TRPM3: variants seen among roughly 807,000 people sequenced by gnomAD.
TRPM3 encodes long transient receptor potential channel 3.
Under a neutral mutation model 181.2 loss-of-function variants are expected in TRPM3, and 77 were observed. The observed-to-expected ratio is 0.42, with a 90% CI of 0.35 to 0.51. The LOEUF (loss-of-function observed/expected upper bound fraction) is 0.51, where lower values mean the gene tolerates loss of function less well. Among genes scored for constraint, TRPM3 ranks in the 20% least tolerant of loss-of-function variants. TRPM3 has a pLI of 0.01. For synonymous variants in TRPM3, 745 were observed against 796.4 expected (o/e 0.94, Z 1.09); for missense variants, 1,759 against 2,196.7 (o/e 0.80, Z 3.98).
At chr9:71,229,602 G>T (rs2080916027) in intron 1 of TRPM3, among the ~76,000 whole-genome samples, 1 of 151,844 alleles carries the variant, frequency 6.6e-6, no homozygotes, top group Admixed American at 6.6e-5. Flanking sequence ...AGGAACTCAA[G>T]CAACCCTGTT....
intron 25 of TRPM3, among the ~76,000 whole-genome samples, chr9:70,539,189 T>G (rs1588039702): frequency 6.6e-6 from 1 of 151,844 alleles, no homozygotes; most frequent in Non-Finnish European, 1.5e-5. Context: ...TCTGTGGGGG[T>G]GGTGGTGAGG....
intron 1 of TRPM3, among the ~76,000 whole-genome samples, chr9:71,403,968 C>A (rs1297663315): frequency 4.6e-5 from 7 of 152,210 alleles, no homozygotes; most frequent in African/African-American, 1.7e-4. Context: ...TCCTAAAACA[C>A]AGAATATATT....
At chr9:71,083,382 G>T (rs1313713448) in intron 1 of TRPM3, among the ~76,000 whole-genome samples, 2 of 151,958 alleles carry the variant, frequency 1.3e-5, no homozygotes, top group Admixed American at 1.3e-4. Context: ...AGGTTACAAG[G>T]CTGGTAAATG....
intron 1 of TRPM3, among the ~76,000 whole-genome samples, chr9:71,413,521 AG>A (rs2093593048): frequency 6.6e-6 from 1 of 152,070 alleles, no homozygotes; most frequent in South Asian, 2.1e-4. Context: ...ATAATACTGT[AG>A]TTTCTTTATA....
At chr9:71,190,691 T>C (rs1482909390) in intron 1 of TRPM3, among the ~76,000 whole-genome samples, 3 of 151,896 alleles carry the variant, frequency 2.0e-5, no homozygotes, top group African/African-American at 7.2e-5. Context: ...CTCCATATCT[T>C]CCTTAAAACA....
At chr9:71,050,659 G>C (rs2059965932) in intron 1 of TRPM3, among the ~76,000 whole-genome samples, 1 of 152,162 alleles carries the variant, frequency 6.6e-6, no homozygotes, top group East Asian at 1.9e-4. Context: ...ACACACTTCT[G>C]TTTATATATC....
intron 8 of TRPM3, among the ~76,000 whole-genome samples, chr9:70,751,068 T>C (rs1166862643): frequency 6.6e-6 from 1 of 151,882 alleles, no homozygotes. Context: ...AAATTTAAAA[T>C]GTATTCAGGG....
chr9:71,308,514 T>G (rs558080262), intron 1 of TRPM3, among the ~76,000 whole-genome samples: 2 of 152,294 alleles, frequency 1.3e-5, no homozygotes, highest in East Asian at 3.9e-4. Context: ...ACCATTTCAT[T>G]AAAATACCTA....
chr9:71,313,076 T>C (rs1344578148), intron 1 of TRPM3, among the ~76,000 whole-genome samples: 2 of 152,270 alleles, frequency 1.3e-5, no homozygotes, highest in African/African-American at 4.8e-5. Flanking sequence ...AATTCACCAA[T>C]TAACAAATGT....
intron 1 of TRPM3, among the ~76,000 whole-genome samples, chr9:71,010,683 G>A (rs2097726972): frequency 6.6e-6 from 1 of 152,132 alleles, no homozygotes; most frequent in African/African-American, 2.4e-5. Context: ...TGGTGGGGAT[G>A]TAAATTAGTA....
chr9:71,354,934 C>T (rs1017552276), intron 1 of TRPM3, among the ~76,000 whole-genome samples: 4 of 152,248 alleles, frequency 2.6e-5, no homozygotes, highest in Non-Finnish European at 2.9e-5. Flanking sequence ...TAGTATCTCT[C>T]TGTTATTCAA....
At chr9:70,836,632 T>C (rs2094341583) in intron 5 of TRPM3, among the ~76,000 whole-genome samples, 1 of 152,210 alleles carries the variant, frequency 6.6e-6, no homozygotes, top group Non-Finnish European at 1.5e-5. Context: ...TGACTCCCTC[T>C]GACTTTGCTT....
chr9:71,144,842 A>C (rs1304840921), intron 1 of TRPM3, among the ~76,000 whole-genome samples: 1 of 152,184 alleles, frequency 6.6e-6, no homozygotes. Context: ...AAAAAAATGA[A>C]CAGCATTGGT....
At chr9:70,545,379 A>C (rs146422574) in intron 25 of TRPM3, among the ~76,000 whole-genome samples, 2 of 152,292 alleles carry the variant, frequency 1.3e-5, no homozygotes, top group East Asian at 3.9e-4. Context: ...TTTAAAGTGC[A>C]TACTGAGAAA....
intron 1 of TRPM3, among the ~76,000 whole-genome samples, chr9:70,938,665 C>A (rs1009433813): frequency 6.6e-6 from 1 of 152,044 alleles, no homozygotes; most frequent in Non-Finnish European, 1.5e-5. Flanking sequence ...ATTAGACATT[C>A]ATTTCTTTTG....
chr9:70,679,356 T>C (rs993650866), intron 9 of TRPM3, among the ~76,000 whole-genome samples: 4 of 152,224 alleles, frequency 2.6e-5, no homozygotes, highest in African/African-American at 9.6e-5. Flanking sequence ...TATTCTATAA[T>C]GCAATGAATA....
chr9:70,577,727 G>T (rs142037138), intron 22 of TRPM3, among the ~76,000 whole-genome samples: 11 of 152,300 alleles, frequency 7.2e-5, no homozygotes, highest in African/African-American at 1.9e-4. Flanking sequence ...TCCTGATAGG[G>T]TTGATAATCT....
At chr9:71,147,188 A>T (rs2075456719) in intron 1 of TRPM3, among the ~76,000 whole-genome samples, 2 of 152,128 alleles carry the variant, frequency 1.3e-5, no homozygotes, top group South Asian at 4.1e-4. Context: ...CTACAGTGAA[A>T]AAATAGAGTA....
intron 9 of TRPM3, among the ~76,000 whole-genome samples, chr9:70,679,702 C>A (rs1323552705): frequency 6.6e-6 from 1 of 152,118 alleles, no homozygotes; most frequent in East Asian, 1.9e-4. Context: ...CCTGTAAAAT[C>A]TGGTAATTGA....
Sources: allele counts gnomAD v4.1 joint callset (sites outside exome capture counted in the v4.1 genomes callset), GRCh38; gene constraint gnomAD v4.1.1; transcripts MANE v1.5; gene names NCBI Gene and HGNC (gene_info 2026-07-23, HGNC 2026-07-21).